The following PARP6 variants were observed in gnomAD, a reference collection of about 807,000 sequenced individuals.
PARP6 encodes poly(ADP-ribose) polymerase family member 6.
In PARP6, 27 loss-of-function variants were observed where a neutral mutation model predicts 92.0. That is an observed-to-expected ratio of 0.29 (90% confidence interval 0.22 to 0.40). The LOEUF is 0.40. Ranked by LOEUF, PARP6 falls within the 10% of genes least tolerant of loss-of-function variation. PARP6 has a pLI of 1.00. For missense variants in PARP6, 501 were observed against 784.5 expected (o/e 0.64, Z 4.32); for synonymous variants, 272 against 281.2 (o/e 0.97, Z 0.33).
intron 15 of PARP6, chr15:72,254,212 C>A (rs965000572): frequency 7.1e-6 from 4 of 560,292 alleles, no homozygotes; most frequent in Non-Finnish European, 1.3e-5. Context: ...TAAATATGAA[C>A]AACTTGTAAA....
At chr15:72,259,711 C>T in intron 10 of PARP6, 50 bp from the exon 11 acceptor site, 2 of 1,501,100 alleles carry the variant, frequency 1.3e-6, no homozygotes, top group Non-Finnish European at 1.9e-6. Flanking sequence ...GAAGCTGGGG[C>T]CTAGACAGAC....
At chr15:72,266,585 A>G (rs1413133022) in intron 4 of PARP6, among the ~76,000 whole-genome samples, 160 bp downstream of exon 4, 1 of 152,210 alleles carries the variant, frequency 6.6e-6, no homozygotes, top group African/African-American at 2.4e-5. Flanking sequence ...AAGAAAGAGC[A>G]AGGGCACGGG....
At chr15:72,256,722 C>T in intron 13 of PARP6, 132 bp from the exon 14 acceptor site, 1 of 709,976 alleles carries the variant, frequency 1.4e-6, no homozygotes, top group East Asian at 3.4e-5. Context: ...ATAGAAAATA[C>T]AAGCTCATAA....
intron 20 of PARP6, chr15:72,243,539 T>C (rs1204377635): frequency 1.3e-5 from 2 of 152,234 alleles, no homozygotes; most frequent in African/African-American, 4.8e-5. Context: ...TTCCTTCTAG[T>C]TTCCACATTA....
rs768644928 is a variant in PARP6 at position 72,254,539 on chromosome 15, A to G, written c.1126-19T>C. 2 of 1,595,898 alleles carry G rather than the reference A, an allele frequency of 1.3e-6. No individual in the cohort carries two copies. The highest frequency in any genetic ancestry group is 1.7e-6 in the Non-Finnish European group (2 of 1,163,714). ...TCTTCTTCTGTGGAGAATCAATGGG[A>G]AGAGAAGAACCAAATAAAGAAAAGT... On this transcript the variant is annotated intron_variant, in intron 14 of 23. Coordinates refer to ENST00000569795, the MANE Select transcript of PARP6 (RefSeq NM_001323532.2).
chr15:72,256,441 C>T (rs1369010076), intron 14 of PARP6, 24 bp downstream of exon 14: 2 of 1,514,582 alleles, frequency 1.3e-6, no homozygotes, highest in East Asian at 5.0e-5. Context: ...TGTTCCTTAG[C>T]CCTGACTTTC....
At chr15:72,263,258 A>C (rs139702666) in intron 8 of PARP6, among the ~76,000 whole-genome samples, 301 of 152,236 alleles carry the variant, frequency 2.0e-3, no homozygotes, top group Non-Finnish European at 3.3e-3. Flanking sequence ...ATATATCTAA[A>C]TCAGTCTTCA....
In PARP6 at chr15:72,241,887, C is replaced by A. The variant is rs769669071; in HGVS notation, c.1790+14G>T. On this transcript the variant is annotated intron_variant, in intron 23 of 23. Coordinates refer to ENST00000569795, the MANE Select transcript of PARP6 (RefSeq NM_001323532.2). This position sits in a 1 kb window ranked among gnomAD's most constrained non-coding sequence, Gnocchi z 4.1. Reference sequence around the variant, plus strand: ...CACTCCTCGAGTAATCCCCAGAGTCCCTCCGACACTTACACAAAGAAGAAT... The same window carrying A: ...CACTCCTCGAGTAATCCCCAGAGTCACTCCGACACTTACACAAAGAAGAAT... The A allele has an allele frequency of 3.1e-6, 5 of 1,589,928 alleles. No homozygotes were observed. In the African/African-American group the frequency reaches 5.4e-5, roughly 17 times the overall value.
rs1205757231 is a variant in PARP6 at position 72,254,509 on chromosome 15, A to G, written c.1137T>C (p.Tyr379=). ...TATCCAGAGCTTTCTGAAGCCGCTC[A>G]TAATTCTTCTTCTGTGGAGAATCAA... ...TLAFNPKKKN[Y]ERLQKALDSV... The change falls in exon 15 of 24, where the codon TAT becomes TAC. Residue 379 remains tyrosine, a synonymous_variant. Transcript: ENST00000569795. 3.1e-6 allele frequency: 5 copies of G among 1,612,864 alleles called. No homozygotes were observed. The highest frequency in any genetic ancestry group is 1.7e-4 in the Middle Eastern group (1 of 6,060).
At chr15:72,268,610 A>C (rs868799959) in intron 2 of PARP6, among the ~76,000 whole-genome samples, 16 of 152,236 alleles carry the variant, frequency 1.1e-4, no homozygotes, top group African/African-American at 3.1e-4. Flanking sequence ...AGGCAGGAGA[A>C]TCGCTTGAAT....
At chr15:72,259,146 A>G (rs1328046732) in intron 11 of PARP6, among the ~76,000 whole-genome samples, 1 of 152,236 alleles carries the variant, frequency 6.6e-6, no homozygotes, top group Non-Finnish European at 1.5e-5. Context: ...TGATAGCAAG[A>G]GGAAGATAGG....
intron 1 of PARP6, among the ~76,000 whole-genome samples, chr15:72,271,859 A>G (rs2087485236): frequency 6.6e-6 from 1 of 152,174 alleles, no homozygotes; most frequent in Admixed American, 6.5e-5. Flanking sequence ...TTTCCACGAG[A>G]ATAAGTCAAA....
At chr15:72,250,296 A>G in intron 18 of PARP6, 1 of 520,074 alleles carries the variant, frequency 1.9e-6, no homozygotes, top group Non-Finnish European at 3.5e-6. Context: ...TTCCAGTCCC[A>G]TCCTCTCTTC....
chr15:72,269,624 G>A (rs1175566439), intron 2 of PARP6, among the ~76,000 whole-genome samples: 1 of 152,038 alleles, frequency 6.6e-6, no homozygotes. Flanking sequence ...AAATGGCCAG[G>A]CACTGAGGCT....
chr15:72,244,273 G>C (rs1244863037), intron 20 of PARP6: 1 of 152,232 alleles, frequency 6.6e-6, no homozygotes, highest in Admixed American at 6.5e-5. Flanking sequence ...GCAGGTCTTA[G>C]AGATGGCCCT....
At chr15:72,246,076 T>A (rs1386378873) in intron 20 of PARP6, among the ~76,000 whole-genome samples, 2 of 152,264 alleles carry the variant, frequency 1.3e-5, no homozygotes, top group African/African-American at 4.8e-5. Flanking sequence ...GATTCACTCA[T>A]ATATTCAATA....
At chr15:72,265,281 G>T in intron 6 of PARP6, 110 bp from the exon 7 acceptor site, 3 of 1,048,216 alleles carry the variant, frequency 2.9e-6, no homozygotes, top group Non-Finnish European at 4.5e-6. Flanking sequence ...ACTGTCTGCT[G>T]ATGGTCTAGG....
At position 72,265,181 on chromosome 15, in the gene PARP6, G is replaced by A; in HGVS notation, c.238-10C>T. On this transcript the variant is annotated splice_polypyrimidine_tract_variant and intron_variant, in intron 6 of 23. Transcript: ENST00000569795. Reference sequence around the variant, plus strand: ...CTGTAGAGACTTCCTCCTAAAAGAAGAAGGGAAATAGTTTCCAGTTTAGCA... The same window carrying A: ...CTGTAGAGACTTCCTCCTAAAAGAAAAAGGGAAATAGTTTCCAGTTTAGCA... The A allele has an allele frequency of 1.9e-6, 3 of 1,590,010 alleles. No homozygotes were observed. Among genetic ancestry groups the A allele is most frequent in the Non-Finnish European group, 1.7e-6 (2 of 1,158,610 alleles).
intron 14 of PARP6, among the ~76,000 whole-genome samples, chr15:72,255,786 T>TC (rs1567198951): frequency 2.0e-3 from 39 of 19,896 alleles, no homozygotes; most frequent in Non-Finnish European, 2.6e-3. Flanking sequence ...ACTTCTCTCT[T>TC]TTTTTTTTTT....
Sources: gnomAD v4.1 joint callset for allele counts (sites outside exome capture counted in the v4.1 genomes callset) on GRCh38, gnomAD v4.1.1 for gene constraint, Gnocchi (gnomAD v3.1) non-coding constraint, MANE v1.5 for transcripts, NCBI Gene and HGNC (gene_info 2026-07-23, HGNC 2026-07-21) for gene names.